BTN3A1: variants seen among roughly 807,000 people sequenced by gnomAD.
BTN3A1 encodes the protein dJ45P21.3 (butyrophilin, subfamily 3, member A1).
Under a neutral mutation model 43.0 loss-of-function variants are expected in BTN3A1, and 24 were observed. That is an observed-to-expected ratio of 0.56 (90% CI 0.40 to 0.78). The LOEUF (loss-of-function observed/expected upper bound fraction) is 0.78. BTN3A1 is among the 30% of genes least tolerant of loss of function. The pLI, the probability that BTN3A1 is intolerant of heterozygous loss-of-function variation, is 0.00. For missense variants in BTN3A1, 533 were observed against 626.2 expected (o/e 0.85, Z 1.59); for synonymous variants, 181 against 234.7 (o/e 0.77, Z 2.09).
At chr6:26,407,636 C>A (rs1245826703) in intron 3 of BTN3A1, 35 bp from the exon 4 acceptor site, 1 of 1,605,602 alleles carries the variant, frequency 6.2e-7, no homozygotes, top group East Asian at 2.2e-5. Context: ...TGATACAGGC[C>A]TCTCAAGAAT....
rs1321434540 is a variant in BTN3A1 at position 26,409,521 on chromosome 6, T to C, written c.716-12T>C. ...CACCGGCCCCCATGACCCACAGCCGTTGCCTTCACAGACCCCTTCTTCAGG... is the reference window on the plus strand; with the variant it reads ...CACCGGCCCCCATGACCCACAGCCGCTGCCTTCACAGACCCCTTCTTCAGG... On this transcript the variant is annotated splice_polypyrimidine_tract_variant and intron_variant, in intron 4 of 9. Transcript: ENST00000289361. 6.2e-7 allele frequency: 1 copy of C among 1,612,782 alleles called. No individual in the cohort carries two copies. Among genetic ancestry groups the C allele is most frequent in the East Asian group, 2.2e-5 (1 of 44,848 alleles).
intron 9 of BTN3A1, chr6:26,412,353 G>A (rs1762248451): frequency 4.2e-6 from 3 of 708,660 alleles, no homozygotes; most frequent in Non-Finnish European, 7.7e-6. Flanking sequence ...CTGGCAGGGA[G>A]GAAGCAGGAA....
intron 9 of BTN3A1, chr6:26,412,793 C>T (rs6920627): frequency 6.4e-7 from 1 of 1,551,198 alleles, no homozygotes; most frequent in African/African-American, 1.4e-5. Flanking sequence ...ACTCATTTAG[C>T]TCATGAGTGG....
chr6:26,413,780 G>C lies in BTN3A1; in HGVS notation c.*88G>C. The C allele has an allele frequency of 6.2e-7, 1 of 1,601,544 alleles. No individual in the cohort carries two copies. The highest frequency in any genetic ancestry group is 1.3e-5 in the African/African-American group (1 of 75,020). On this transcript the variant is annotated 3_prime_UTR_variant, in exon 10 of 10. Transcript: ENST00000289361. ...ACCCCGGGCTTAGCTAACGAAAGTG[G>C]GGAGCCTCAGGCTGAAGTAACTTTT...
chr6:26,406,283 A>G, intron 3 of BTN3A1, 27 bp downstream of exon 3: 1 of 901,152 alleles, frequency 1.1e-6, no homozygotes, highest in South Asian at 1.6e-5. Flanking sequence ...TGTTCTGAGA[A>G]CATTTCTCTG....
chr6:26,405,455 A>C lies in BTN3A1; in HGVS notation c.-109A>C, dbSNP rs78667706. The C allele has an allele frequency of 2.4e-3, 2,622 of 1,076,480 alleles. 71 individuals are homozygous for C. The East Asian group carries it at 0.056, about 23-fold the overall frequency. The allele number at this position is 1,076,480 out of a possible 1,614,324, so 66.7% of individuals were successfully genotyped here. On this transcript the variant is annotated 5_prime_UTR_variant, in exon 2 of 10. Coordinates refer to ENST00000289361, the MANE Select transcript of BTN3A1 (RefSeq NM_007048.6). The stretch of plus-strand genomic sequence containing the variant: ...AGGAAAGATCTTCTTCGGTCACCAT[A>C]CTTGAGTTAGCTCTAGGGAAGTGGA...
At position 26,414,135 on chromosome 6, in the gene BTN3A1, G is replaced by A. The variant is rs964027757; in HGVS notation, c.*443G>A. ...GGTGGATGTCACTCCTTTAATCCTC[G>A]CAACACCCTGTCGGGTAGTCTCATT... On this transcript the variant is annotated 3_prime_UTR_variant, in exon 10 of 10. Coordinates refer to ENST00000289361, the MANE Select transcript of BTN3A1 (RefSeq NM_007048.6). The A allele has an allele frequency of 5.1e-5, 11 of 215,270 alleles. No individual in the cohort carries two copies. Among genetic ancestry groups the A allele is most frequent in the African/African-American group, 1.6e-4 (7 of 42,946 alleles). The allele number at this position is 215,270 out of a possible 1,614,324, so 13.3% of individuals were successfully genotyped here.
rs768661167 is a variant in BTN3A1 at position 26,413,737 on chromosome 6, T to G, written c.*45T>G. 3.7e-6 allele frequency: 6 copies of G among 1,608,012 alleles called. No individual in the cohort carries two copies. Among genetic ancestry groups the G allele is most frequent in the Non-Finnish European group, 5.1e-6 (6 of 1,179,804 alleles). On this transcript the variant is annotated 3_prime_UTR_variant, in exon 10 of 10. Transcript: ENST00000289361. ...CCAATTCTGACCGAGTGCTGATCAT[T>G]CCCTAGAGACACCAGTAACCCCGGG...
chr6:26,405,653 G>A lies in BTN3A1; in HGVS notation c.85+5G>A, dbSNP rs1406947527. 1.2e-6 allele frequency: 2 copies of A among 1,613,946 alleles called. No homozygotes were observed. Among genetic ancestry groups the A allele is most frequent in the Non-Finnish European group, 1.7e-6 (2 of 1,179,886 alleles). ...AGCTGCTCATGCCTCACTCAGGTAG[G>A]GAACAATTCCACGCTTGTTTCTGAA... On this transcript the variant is annotated splice_donor_5th_base_variant and intron_variant, in intron 2 of 9. Coordinates refer to ENST00000289361, the MANE Select transcript of BTN3A1 (RefSeq NM_007048.6).
Position 26,405,614 on chromosome 6 carries a change from C to G in BTN3A1, c.51C>G (p.Cys17Trp), listed in dbSNP as rs1341107122. 14 of 1,614,106 alleles carry G rather than the reference C, an allele frequency of 8.7e-6. No individual in the cohort carries two copies. The highest frequency in any genetic ancestry group is 1.1e-5 in the Non-Finnish European group (13 of 1,180,028). Residue 17 changes from cysteine to tryptophan, a missense_variant, in exon 2 of 10, where the codon TGC (cysteine) becomes TGG (tryptophan). By Grantham distance (215) the Cys-to-Trp change is radical (BLOSUM62 -2). Coordinates refer to ENST00000289361, the MANE Select transcript of BTN3A1 (RefSeq NM_007048.6). Reference protein sequence around the residue: ...LAFLLLNFRVCLLLLQLLMPH... With the variant: ...LAFLLLNFRVWLLLLQLLMPH... ...TCCTTCTGCTCAACTTTCGTGTCTG[C>G]CTCCTTTTGCTTCAGCTGCTCATGC...
At chr6:26,411,497 A>C (rs1424267180) in intron 8 of BTN3A1, 58 bp from the exon 9 acceptor site, 18 of 1,564,608 alleles carry the variant, frequency 1.2e-5, no homozygotes, top group East Asian at 4.5e-5. Context: ...GGGAGAGTGC[A>C]GTGGGGAAAA....
chr6:26,412,979 C>A, intron 9 of BTN3A1, 190 bp from the exon 10 acceptor site: 1 of 1,459,132 alleles, frequency 6.9e-7, no homozygotes, highest in Non-Finnish European at 9.0e-7. Flanking sequence ...CTCTTCCCCT[C>A]TGGACACAAG....
chr6:26,413,099 T>C, intron 9 of BTN3A1, 70 bp from the exon 10 acceptor site: 4 of 1,555,192 alleles, frequency 2.6e-6, no homozygotes, highest in Non-Finnish European at 3.5e-6. Flanking sequence ...GGCCCAGGCC[T>C]TGCATGCTGA....
intron 7 of BTN3A1, 109 bp from the exon 8 acceptor site, chr6:26,411,000 T>TAAAAAAAAAAAAAAAAAA (rs1170183887): frequency 1.1e-4 from 41 of 359,640 alleles, no homozygotes; most frequent in African/African-American, 9.0e-4. Context: ...ATACAGGTGG[T>TAAAAAAAAAAAAAAAAAA]AAAAAAAAAA....
Position 26,405,470 on chromosome 6 carries a change from AG to A in BTN3A1, c.-91del. On this transcript the variant is annotated 5_prime_UTR_variant, in exon 2 of 10. Transcript: ENST00000289361. ...CGGTCACCATACTTGAGTTAGCTCT[AG>A]GGAAGTGGAGGTTTCCATTTGGAAT... The A allele has an allele frequency of 8.2e-7, 1 of 1,226,552 alleles. No homozygotes were observed. Among genetic ancestry groups the A allele is most frequent in the Non-Finnish European group, 1.2e-6 (1 of 831,878 alleles). 76.0% of individuals were successfully genotyped at this position (1,226,552 alleles called of 1,614,324 possible).
At chr6:26,408,255 A>C (rs567582886) in intron 4 of BTN3A1, among the ~76,000 whole-genome samples, 22 of 152,318 alleles carry the variant, frequency 1.4e-4, no homozygotes, top group African/African-American at 5.1e-4. Context: ...ATATATATAT[A>C]TATACAAACT....
In BTN3A1 at chr6:26,413,241, G is replaced by A. The variant is rs763766883; in HGVS notation, c.1091G>A (p.Arg364His). The part of the protein sequence containing the change: ...LVSEDQRSVQ[R>H]AKEPQDLPDN... ...TCTGAGGACCAGAGGAGTGTGCAGC[G>A]TGCCAAGGAGCCCCAGGATCTGCCA... is the stretch of plus-strand genomic sequence containing the variant. The change falls in exon 10 of 10, where the codon CGT becomes CAT. Residue 364 changes from arginine to histidine, a missense_variant. Arg to His is a conservative substitution (Grantham distance 29). Around this residue, in one of 4 missense-constraint regions of BTN3A1, gnomAD observed 415 missense variants for 427.0 expected, o/e 0.97. Coordinates refer to ENST00000289361, the MANE Select transcript of BTN3A1 (RefSeq NM_007048.6). 50 of 1,614,060 alleles carry A rather than the reference G, an allele frequency of 3.1e-5. No individual in the cohort carries two copies. The highest frequency in any genetic ancestry group is 8.0e-5 in the African/African-American group (6 of 74,912).
chr6:26,412,849 G>A (rs1216107391), intron 9 of BTN3A1: 1 of 1,531,064 alleles, frequency 6.5e-7, no homozygotes, highest in Non-Finnish European at 8.8e-7. Flanking sequence ...AGCATTAGTG[G>A]GCAGAGTGAA....
chr6:26,414,851 A>C lies in BTN3A1; in HGVS notation c.*1159A>C, dbSNP rs968154757. The C allele has an allele frequency of 3.3e-5, 5 of 151,918 alleles. No homozygotes were observed. Among genetic ancestry groups the C allele is most frequent in the East Asian group, 1.9e-4 (1 of 5,170 alleles). 9.4% of individuals were successfully genotyped at this position (151,918 alleles called of 1,614,324 possible). A position where few individuals can be genotyped will look rare whatever the true frequency, so the allele number is the denominator to read the frequency against. ...TAGGTGCACGCCACCACACCCAACA[A>C]ATTTTTGTACTTTTAGTACAGATGA... On this transcript the variant is annotated 3_prime_UTR_variant, in exon 10 of 10. Transcript: ENST00000289361.
Sources: allele counts gnomAD v4.1 joint callset (sites outside exome capture counted in the v4.1 genomes callset), GRCh38; gene constraint gnomAD v4.1.1; regional missense constraint gnomAD v4.1.1; transcripts MANE v1.5; gene names NCBI Gene and HGNC (gene_info 2026-07-23, HGNC 2026-07-21).